Variants in TBC1D14 observed in about 807,000 individuals in gnomAD.
TBC1D14 encodes the protein TBC1 domain family, member 14.
In TBC1D14, 26 loss-of-function variants were observed where a neutral mutation model predicts 79.0. The observed-to-expected ratio is 0.33, with a 90% CI of 0.24 to 0.46. The LOEUF (loss-of-function observed/expected upper bound fraction) is 0.46. Ranked by LOEUF, TBC1D14 falls within the 20% of genes least tolerant of loss-of-function variation. TBC1D14 has a pLI of 1.00. For synonymous variants in TBC1D14, 394 were observed against 349.9 expected (o/e 1.13, Z -1.40); for missense variants, 769 against 887.6 (o/e 0.87, Z 1.70).
chr4:6,984,151 G>T lies in TBC1D14; in HGVS notation c.844-10033G>T, dbSNP rs77172357. On this transcript the variant is annotated intron_variant, in intron 3 of 13. Transcript: ENST00000409757. The stretch of plus-strand genomic sequence containing the variant: ...TGGGTTGGGAAGACTCTGGCTTTGG[G>T]ATTAGAAAGCTGGAATGTGTACCTT... Among the ~76,000 whole-genome samples the T allele has an allele frequency of 1.1e-3, 165 of 152,314 alleles. 6 individuals are homozygous for T. The East Asian group carries it at 0.023, about 21-fold the overall frequency.
intron 9 of TBC1D14, 33 bp from the exon 10 acceptor site, chr4:7,009,844 C>G (rs778095201): frequency 6.2e-7 from 1 of 1,608,838 alleles, no homozygotes; most frequent in Non-Finnish European, 8.5e-7. Context: ...AGTACTCATG[C>G]ATGTGTTGTT....
rs1715776378 is a variant in TBC1D14, at chr4:6,967,196, C to T, written c.723-108C>T. 16 of 1,366,856 alleles carry T rather than the reference C, an allele frequency of 1.2e-5. No individual in the cohort carries two copies. In the South Asian group the frequency reaches 1.3e-4, roughly 11 times the overall value. The allele number at this position is 1,366,856 out of a possible 1,614,324, so 84.7% of individuals were successfully genotyped here. On this transcript the variant is annotated intron_variant, in intron 2 of 13. Transcript: ENST00000409757. ...AAATCAAGTCTGAAGAATTAAAGTA[C>T]GTGGTTCTCAGAGGAAAGCTGACTT...
At chr4:6,933,713 G>GA (rs200239294) in intron 2 of TBC1D14, among the ~76,000 whole-genome samples, 2,177 of 152,274 alleles carry the variant, frequency 0.014, 71 homozygotes, top group African/African-American at 0.049. Flanking sequence ...GGAAGGGTAT[G>GA]AACATCAGGG....
At chr4:6,998,205 C>T (rs1719267747) in intron 5 of TBC1D14, among the ~76,000 whole-genome samples, 1 of 151,910 alleles carries the variant, frequency 6.6e-6, no homozygotes, top group Non-Finnish European at 1.5e-5. Flanking sequence ...ACTAAAAATA[C>T]AAAAATTAGC....
intron 1 of TBC1D14, among the ~76,000 whole-genome samples, chr4:6,916,109 A>G (rs1251587966): frequency 1.4e-5 from 2 of 142,204 alleles, no homozygotes; most frequent in Non-Finnish European, 3.0e-5. Flanking sequence ...CTGGGCAACA[A>G]GAGCAAAGCT....
At chr4:6,950,016 C>G (rs1317619525) in intron 2 of TBC1D14, among the ~76,000 whole-genome samples, 1 of 152,104 alleles carries the variant, frequency 6.6e-6, no homozygotes, top group Non-Finnish European at 1.5e-5. Context: ...ATCTGGGTTT[C>G]AAGCCCCACA....
At position 6,988,891 on chromosome 4, in the gene TBC1D14, T is replaced by C. The variant is rs1718179010; in HGVS notation, c.844-5293T>C. On this transcript the variant is annotated intron_variant, in intron 3 of 13. Transcript: ENST00000409757. ...TTTCTTTCTTTCTTTCTTTCTTTTT[T>C]TTTTTTTTTTTTTTTTTGAGACAGG... Among the ~76,000 whole-genome samples, 12 of 135,012 alleles carry C rather than the reference T, an allele frequency of 8.9e-5. No homozygotes were observed. In the South Asian group the frequency reaches 1.0e-3, roughly 11 times the overall value. The allele number at this position is 135,012 out of a possible 152,430, so 88.6% of individuals were successfully genotyped here.
intron 2 of TBC1D14, among the ~76,000 whole-genome samples, chr4:6,954,686 C>T (rs921079744): frequency 2.0e-5 from 3 of 152,198 alleles, no homozygotes; most frequent in African/African-American, 2.4e-5. Flanking sequence ...CTGCAGCCTC[C>T]GCCTCCCAGG....
rs913853520 is a variant in TBC1D14, at chr4:6,994,101, A to G, written c.844-83A>G. The G allele has an allele frequency of 6.5e-6, 8 of 1,237,044 alleles. No individual in the cohort carries two copies. In the African/African-American group the frequency reaches 1.2e-4, roughly 18 times the overall value. The allele number at this position is 1,237,044 out of a possible 1,614,324, so 76.6% of individuals were successfully genotyped here. The stretch of plus-strand genomic sequence containing the variant: ...CTCGAAATTGGCTTAAAAGAGTTTC[A>G]TGACAAAACAACTTTCTTACTTTCC... On this transcript the variant is annotated intron_variant, in intron 3 of 13. Transcript: ENST00000409757.
intron 3 of TBC1D14, among the ~76,000 whole-genome samples, chr4:6,973,562 T>A (rs960148073): frequency 6.6e-6 from 1 of 152,122 alleles, no homozygotes; most frequent in African/African-American, 2.4e-5. Context: ...GAGCAGCTAT[T>A]TGAGATTCTG....
chr4:7,022,459 C>T (rs892038341), intron 12 of TBC1D14, among the ~76,000 whole-genome samples: 1 of 152,202 alleles, frequency 6.6e-6, no homozygotes, highest in African/African-American at 2.4e-5. Flanking sequence ...GCGTGCAGTG[C>T]AGCGTGAACA....
At chr4:6,988,240 G>A (rs530062078) in intron 3 of TBC1D14, among the ~76,000 whole-genome samples, 1 of 152,200 alleles carries the variant, frequency 6.6e-6, no homozygotes, top group African/African-American at 2.4e-5. Context: ...TTTCAGTTTC[G>A]TGCCCTTTTC....
At chr4:7,010,034 ATGCCAGTGCCTTCGTTTT>A in intron 10 of TBC1D14, 86 bp downstream of exon 10, 1 of 1,466,000 alleles carries the variant, frequency 6.8e-7, no homozygotes. Context: ...TGCAAATGTC[ATGCCAGTGCCTTCGTTTT>A]TGCCGAGGAG....
intron 6 of TBC1D14, among the ~76,000 whole-genome samples, chr4:7,000,638 TCTC>T (rs1412160229): frequency 6.6e-6 from 1 of 152,172 alleles, no homozygotes; most frequent in Non-Finnish European, 1.5e-5. Flanking sequence ...CAGCAGTTCT[TCTC>T]CGCAGTTAGA....
intron 2 of TBC1D14, among the ~76,000 whole-genome samples, chr4:6,949,882 TAAATGC>T (rs1713865688): frequency 1.3e-5 from 2 of 152,186 alleles, no homozygotes; most frequent in Admixed American, 1.3e-4. Context: ...GTGTTTGTTG[TAAATGC>T]AGTGAATTTT....
chr4:6,956,193 G>T (rs988795330), intron 2 of TBC1D14, among the ~76,000 whole-genome samples: 3 of 152,108 alleles, frequency 2.0e-5, no homozygotes, highest in African/African-American at 7.2e-5. Flanking sequence ...CCCAAACTGT[G>T]TAAGCTCCAA....
At chr4:6,925,727 C>G (rs1201691245) in intron 2 of TBC1D14, among the ~76,000 whole-genome samples, 4 of 152,126 alleles carry the variant, frequency 2.6e-5, no homozygotes, top group Non-Finnish European at 5.9e-5. Flanking sequence ...TGGGGGAGAT[C>G]TTGTCACTAT....
intron 1 of TBC1D14, among the ~76,000 whole-genome samples, chr4:6,922,553 C>T (rs1171405247): frequency 6.6e-6 from 1 of 152,142 alleles, no homozygotes; most frequent in African/African-American, 2.4e-5. Context: ...GTAAGCGTGA[C>T]TGAAACATTT....
chr4:6,910,097 T>A (rs1351560685), intron 1 of TBC1D14, 146 bp downstream of exon 1: 1 of 149,688 alleles, frequency 6.7e-6, no homozygotes, highest in East Asian at 2.0e-4. Flanking sequence ...TGGGTGTCCC[T>A]CGCCGCGCGG....
Sources: gnomAD v4.1 joint callset for allele counts (sites outside exome capture counted in the v4.1 genomes callset) on GRCh38, gnomAD v4.1.1 for gene constraint, MANE v1.5 for transcripts, NCBI Gene and HGNC (gene_info 2026-07-23, HGNC 2026-07-21) for gene names.